The following TESK2 variants were observed in gnomAD, a reference collection of about 807,000 sequenced individuals.
The protein encoded by TESK2 is dual specificity testis-specific protein kinase 2.
In TESK2, 39 loss-of-function variants were observed where a neutral mutation model predicts 57.1. That is an observed-to-expected ratio of 0.68 (90% CI 0.53 to 0.89). The LOEUF is 0.89. Among genes scored for constraint, TESK2 ranks in the 40% least tolerant of loss-of-function variants. TESK2 has a pLI of 0.00. For synonymous variants in TESK2, 249 were observed against 267.9 expected (o/e 0.93, Z 0.69); for missense variants, 646 against 732.1 (o/e 0.88, Z 1.36).
chr1:45,384,126 T>G (rs1020699511), intron 4 of TESK2, among the ~76,000 whole-genome samples: 3 of 152,160 alleles, frequency 2.0e-5, no homozygotes, highest in African/African-American at 7.2e-5. Flanking sequence ...CCTCCCAACA[T>G]CCTTGTGAGG....
intron 3 of TESK2, among the ~76,000 whole-genome samples, chr1:45,417,368 G>C (rs1281372993): frequency 1.3e-5 from 2 of 151,546 alleles, no homozygotes; most frequent in African/African-American, 2.4e-5. Flanking sequence ...AGTAGCTGGG[G>C]TTACAGGCAT....
rs1652273614 is a variant in TESK2 at position 45,460,154 on chromosome 1, A to C, written c.-86-2283T>G. ...CAACAGAAGTCCAAACCTCAGCACC[A>C]CACAATATACCCTTGTAACAAACCT... On this transcript the variant is annotated intron_variant, in intron 1 of 10. Coordinates refer to ENST00000372086, the MANE Select transcript of TESK2 (RefSeq NM_007170.3). 2.0e-5 allele frequency among the ~76,000 whole-genome samples: 3 copies of C among 152,116 alleles called. No homozygotes were observed. The South Asian group carries it at 6.3e-4, about 32-fold the overall frequency.
chr1:45,427,762 G>A (rs1392968070), intron 2 of TESK2, among the ~76,000 whole-genome samples: 1 of 152,176 alleles, frequency 6.6e-6, no homozygotes, highest in Non-Finnish European at 1.5e-5. Context: ...CAGAGGCTGG[G>A]AAGGGTAGTG....
chr1:45,424,623 C>T (rs1650613429), intron 2 of TESK2, among the ~76,000 whole-genome samples: 1 of 152,170 alleles, frequency 6.6e-6, no homozygotes. Context: ...AAGGACTCTC[C>T]AGCTGAAAGT....
chr1:45,425,227 A>C (rs896261742), intron 2 of TESK2, among the ~76,000 whole-genome samples: 1 of 152,244 alleles, frequency 6.6e-6, no homozygotes, highest in African/African-American at 2.4e-5. Context: ...TACAAAATCA[A>C]CATACAAAAA....
chr1:45,490,591 G>A (rs1570787661), intron 1 of TESK2, among the ~76,000 whole-genome samples: 1 of 152,256 alleles, frequency 6.6e-6, no homozygotes, highest in African/African-American at 2.4e-5. Context: ...ATGCGAGCGA[G>A]GTAACTTCTA....
intron 3 of TESK2, among the ~76,000 whole-genome samples, chr1:45,409,644 G>A (rs1281503157): frequency 6.6e-6 from 1 of 152,200 alleles, no homozygotes; most frequent in East Asian, 1.9e-4. Flanking sequence ...GGTTGGGCTA[G>A]AGTAGTAAGT....
Position 45,345,294 on chromosome 1 carries a change from T to A in TESK2, c.1262A>T (p.Lys421Met). 1.2e-6 allele frequency: 2 copies of A among 1,614,130 alleles called. No homozygotes were observed. Among genetic ancestry groups the A allele is most frequent in the Non-Finnish European group, 1.7e-6 (2 of 1,180,018 alleles). Residue 421 changes from lysine to methionine, a missense_variant, in exon 11 of 11, where the codon AAG (lysine) becomes ATG (methionine). Coordinates refer to ENST00000372086, the MANE Select transcript of TESK2 (RefSeq NM_007170.3). Reference sequence around the variant, plus strand: ...GTCAAATACCAGAGAGATGACAGACTTGCTGGGCAGGTCAAAAAACTTGAT... The same window carrying A: ...GTCAAATACCAGAGAGATGACAGACATGCTGGGCAGGTCAAAAAACTTGAT... Reference protein sequence around the residue: ...GKIKFFDLPSKSVISLVFDLD... With the variant: ...GKIKFFDLPSMSVISLVFDLD...
chr1:45,457,765 A>G lies in TESK2; in HGVS notation c.21T>C (p.Asn7=). MDRSKR[N]SIAGFPPRVE... ...CACGTGGAGGAAATCCTGCAATTGA[A>G]TTCCGTTTGCTCCGATCCATAGTCT... Residue 7 remains asparagine (N), a synonymous_variant, in exon 2 of 11, where the codon AAT becomes AAC. Transcript: ENST00000372086. The G allele has an allele frequency of 1.2e-6, 2 of 1,614,146 alleles. No individual in the cohort carries two copies. The highest frequency in any genetic ancestry group is 1.7e-6 in the Non-Finnish European group (2 of 1,180,002).
chr1:45,464,349 G>A (rs1233479807), intron 1 of TESK2, among the ~76,000 whole-genome samples: 1 of 151,676 alleles, frequency 6.6e-6, no homozygotes, highest in South Asian at 2.1e-4. Context: ...GCTTGAAGCC[G>A]GGAGGCAGAG....
intron 3 of TESK2, among the ~76,000 whole-genome samples, chr1:45,412,265 C>T (rs977303008): frequency 1.3e-5 from 2 of 152,108 alleles, no homozygotes; most frequent in Admixed American, 1.3e-4. Flanking sequence ...TAATTCACTC[C>T]AGGTGAAAGT....
At chr1:45,425,279 A>G (rs555609138) in intron 2 of TESK2, among the ~76,000 whole-genome samples, 1 of 152,342 alleles carries the variant, frequency 6.6e-6, no homozygotes, top group East Asian at 1.9e-4. Context: ...AATCTGAAAA[A>G]GAAACCAAAA....
intron 4 of TESK2, among the ~76,000 whole-genome samples, chr1:45,367,075 AG>A (rs1475372516): frequency 6.6e-6 from 1 of 152,176 alleles, no homozygotes; most frequent in Non-Finnish European, 1.5e-5. Flanking sequence ...CAGAGGCTGC[AG>A]TGAGCCAACA....
chr1:45,472,115 G>A (rs995012207), intron 1 of TESK2, among the ~76,000 whole-genome samples: 2 of 151,948 alleles, frequency 1.3e-5, no homozygotes, highest in Non-Finnish European at 2.9e-5. Context: ...AGCCGGGTAT[G>A]GTGGCCGGCA....
intron 3 of TESK2, among the ~76,000 whole-genome samples, chr1:45,396,482 T>C (rs1241055658): frequency 2.0e-5 from 3 of 152,120 alleles, no homozygotes; most frequent in Admixed American, 6.5e-5. Context: ...ATGATGATGG[T>C]ATGAGATAAC....
intron 3 of TESK2, chr1:45,415,068 C>T (rs1650185078): frequency 1.5e-6 from 2 of 1,330,566 alleles, no homozygotes; most frequent in Non-Finnish European, 1.1e-6. Flanking sequence ...AAACAGCGAG[C>T]CCTTGGGCCA....
intron 3 of TESK2, among the ~76,000 whole-genome samples, chr1:45,408,469 T>G (rs957820248): frequency 3.9e-5 from 6 of 152,212 alleles, no homozygotes; most frequent in African/African-American, 1.2e-4. Context: ...TGGAAGCACA[T>G]GTCCTTTGGT....
chr1:45,394,679 CTT>C (rs5773871), intron 3 of TESK2, among the ~76,000 whole-genome samples: 9 of 57,424 alleles, frequency 1.6e-4, no homozygotes, highest in African/African-American at 4.4e-4. Flanking sequence ...ACAGGAAACT[CTT>C]TTTTTTTTTT....
chr1:45,410,951 A>G (rs542214244), intron 3 of TESK2, among the ~76,000 whole-genome samples: 1 of 152,250 alleles, frequency 6.6e-6, no homozygotes, highest in African/African-American at 2.4e-5. Flanking sequence ...GGAGGAATTT[A>G]GTTTACAGTT....
Sources: allele counts gnomAD v4.1 joint callset (sites outside exome capture counted in the v4.1 genomes callset), GRCh38; gene constraint gnomAD v4.1.1; transcripts MANE v1.5; gene names NCBI Gene and HGNC (gene_info 2026-07-23, HGNC 2026-07-21).